AGBL4: variants seen among roughly 807,000 people sequenced by gnomAD.
AGBL4 encodes the protein AGBL carboxypeptidase 4, also known as cytosolic carboxypeptidase 6.
AGBL4 carries 58 observed loss-of-function variants against 66.4 expected under a neutral mutation model. That is an observed-to-expected ratio of 0.87 (90% CI 0.71 to 1.09). The LOEUF is 1.09. AGBL4 is among the 50% of genes least tolerant of loss of function. AGBL4 has a pLI of 0.00. For missense variants in AGBL4, 579 were observed against 631.0 expected (o/e 0.92, Z 0.88); for synonymous variants, 234 against 222.9 (o/e 1.05, Z -0.44).
intron 3 of AGBL4, among the ~76,000 whole-genome samples, chr1:49,344,276 C>T (rs1645595854): frequency 6.6e-6 from 1 of 151,228 alleles, no homozygotes; most frequent in African/African-American, 2.4e-5. Context: ...CTAACCTGCA[C>T]AATGTGCACA....
intron 1 of AGBL4, among the ~76,000 whole-genome samples, chr1:49,927,754 G>C (rs1652935534): frequency 6.7e-6 from 1 of 150,336 alleles, no homozygotes; most frequent in African/African-American, 2.4e-5. Flanking sequence ...ACAAATCTAA[G>C]AGTTATTGAC....
At chr1:49,735,423 T>C (rs1486581954) in intron 2 of AGBL4, among the ~76,000 whole-genome samples, 1 of 150,566 alleles carries the variant, frequency 6.6e-6, no homozygotes, top group Non-Finnish European at 1.5e-5. Context: ...GGCCTCTAGA[T>C]GATGGAAAAA....
chr1:49,379,914 G>A (rs566308708), intron 3 of AGBL4, among the ~76,000 whole-genome samples: 1 of 152,230 alleles, frequency 6.6e-6, no homozygotes, highest in Admixed American at 6.6e-5. Flanking sequence ...AGGGAGGATT[G>A]GAAGCATTCC....
chr1:49,459,936 C>T (rs1410805514), intron 3 of AGBL4, among the ~76,000 whole-genome samples: 1 of 151,210 alleles, frequency 6.6e-6, no homozygotes, highest in Admixed American at 6.6e-5. Flanking sequence ...CATGCAGGAA[C>T]AGGTTACTTA....
intron 3 of AGBL4, among the ~76,000 whole-genome samples, chr1:49,481,896 T>C (rs185738585): frequency 5.3e-5 from 8 of 151,592 alleles, no homozygotes; most frequent in African/African-American, 1.9e-4. Context: ...GTGGTTTTTG[T>C]CTTTAGTTCT....
chr1:49,769,585 C>T (rs1209465049), intron 2 of AGBL4, among the ~76,000 whole-genome samples: 1 of 152,026 alleles, frequency 6.6e-6, no homozygotes, highest in African/African-American at 2.4e-5. Context: ...CTGCAGTAAC[C>T]AAAATAGCAT....
intron 3 of AGBL4, among the ~76,000 whole-genome samples, chr1:49,334,884 G>A (rs893931661): frequency 3.3e-5 from 5 of 152,202 alleles, no homozygotes; most frequent in African/African-American, 1.2e-4. Context: ...TTATTGCTGA[G>A]CCTGGTTTTA....
At chr1:49,560,889 A>T (rs1214214659) in intron 3 of AGBL4, among the ~76,000 whole-genome samples, 1 of 152,134 alleles carries the variant, frequency 6.6e-6, no homozygotes, top group Admixed American at 6.6e-5. Flanking sequence ...AAGAGGGAAT[A>T]AAGATTTTCC....
At chr1:49,613,641 C>T (rs923138602) in intron 3 of AGBL4, among the ~76,000 whole-genome samples, 8 of 152,172 alleles carry the variant, frequency 5.3e-5, no homozygotes, top group African/African-American at 1.9e-4. Flanking sequence ...TGAGAATCTA[C>T]TGCCTGATGA....
intron 1 of AGBL4, among the ~76,000 whole-genome samples, chr1:49,938,429 T>A (rs1654350289): frequency 6.6e-6 from 1 of 152,310 alleles, no homozygotes; most frequent in Non-Finnish European, 1.5e-5. Context: ...AAGGAGGAAC[T>A]GGTACCATTC....
chr1:49,319,326 A>G (rs920997644), intron 3 of AGBL4, among the ~76,000 whole-genome samples: 2 of 152,194 alleles, frequency 1.3e-5, no homozygotes, highest in Non-Finnish European at 2.9e-5. Flanking sequence ...ACTTATGTTC[A>G]TATAAAAATT....
intron 3 of AGBL4, among the ~76,000 whole-genome samples, chr1:49,380,714 T>C (rs1022839471): frequency 1.3e-5 from 2 of 152,196 alleles, no homozygotes; most frequent in African/African-American, 4.8e-5. Context: ...ATGTGATCTT[T>C]GACAAACCTG....
At chr1:49,248,729 C>A (rs1415665455) in intron 3 of AGBL4, among the ~76,000 whole-genome samples, 1 of 152,008 alleles carries the variant, frequency 6.6e-6, no homozygotes, top group Admixed American at 6.6e-5. Flanking sequence ...AAGTAAATCA[C>A]CTGGCATATT....
At chr1:48,590,769 G>A in intron 10 of AGBL4, 64 bp downstream of exon 10, 3 of 1,510,120 alleles carry the variant, frequency 2.0e-6, no homozygotes, top group Middle Eastern at 2.2e-4. Flanking sequence ...AACTGAGTGA[G>A]AAGGAAGACG....
At chr1:49,563,367 C>T (rs201458561) in intron 3 of AGBL4, among the ~76,000 whole-genome samples, 63 of 152,058 alleles carry the variant, frequency 4.1e-4, no homozygotes, top group African/African-American at 7.2e-4. Context: ...TGGTGAGAGA[C>T]GGCATCCCTG....
intron 5 of AGBL4, among the ~76,000 whole-genome samples, chr1:48,971,220 T>A (rs1436962912): frequency 6.6e-6 from 1 of 152,128 alleles, no homozygotes. Context: ...GCTCTGCCTC[T>A]TGTCAGATCA....
chr1:48,758,342 T>C (rs1644058236), intron 6 of AGBL4, among the ~76,000 whole-genome samples: 1 of 152,206 alleles, frequency 6.6e-6, no homozygotes, highest in Admixed American at 6.5e-5. Context: ...TATTTGCCCA[T>C]GCTCACCAGT....
At chr1:49,040,850 C>T (rs934341974) in intron 5 of AGBL4, among the ~76,000 whole-genome samples, 7 of 152,022 alleles carry the variant, frequency 4.6e-5, no homozygotes, top group African/African-American at 1.7e-4. Flanking sequence ...GTAATAGTTA[C>T]ACAACTCTAT....
intron 2 of AGBL4, among the ~76,000 whole-genome samples, chr1:49,770,742 T>G (rs569646433): frequency 3.3e-4 from 51 of 152,298 alleles, no homozygotes; most frequent in Middle Eastern, 3.4e-3. Context: ...AAACGTGCTA[T>G]GTTGTATGTA....
Sources: allele counts gnomAD v4.1 joint callset (sites outside exome capture counted in the v4.1 genomes callset), GRCh38; gene constraint gnomAD v4.1.1; transcripts MANE v1.5; gene names NCBI Gene and HGNC (gene_info 2026-07-23, HGNC 2026-07-21).